The following COL23A1 variants were observed in gnomAD, a reference collection of about 807,000 sequenced individuals.
COL23A1 encodes collagen type XXIII alpha 1 chain.
Under a neutral mutation model 99.3 loss-of-function variants are expected in COL23A1, and 97 were observed. The observed-to-expected ratio is 0.98, with a 90% CI of 0.83 to 1.16. The LOEUF (loss-of-function observed/expected upper bound fraction) is 1.16, where lower values mean the gene tolerates loss of function less well. Ranked by LOEUF, COL23A1 falls within the 50% of genes most tolerant of loss-of-function variation. COL23A1 has a pLI of 0.00. For missense variants in COL23A1, 762 were observed against 757.4 expected (o/e 1.01, Z -0.07); for synonymous variants, 320 against 308.2 (o/e 1.04, Z -0.40).
At chr5:178,550,990 A>T (rs1761967122) in intron 2 of COL23A1, among the ~76,000 whole-genome samples, 1 of 152,068 alleles carries the variant, frequency 6.6e-6, no homozygotes. Flanking sequence ...TCCCCAAACC[A>T]ACAGCAAACC....
At chr5:178,399,059 G>A (rs1331233800) in intron 2 of COL23A1, among the ~76,000 whole-genome samples, 1 of 152,232 alleles carries the variant, frequency 6.6e-6, no homozygotes, top group Admixed American at 6.5e-5. Flanking sequence ...TGGGCTTGTG[G>A]GCTTCAGTTG....
At chr5:178,535,824 G>A (rs1018879088) in intron 2 of COL23A1, among the ~76,000 whole-genome samples, 7 of 152,274 alleles carry the variant, frequency 4.6e-5, no homozygotes, top group Admixed American at 3.9e-4. Context: ...GTGAGAGGGT[G>A]GGCATCCCGC....
At position 178,280,719 on chromosome 5, in the gene COL23A1, G is replaced by A. The variant is rs1294593963; in HGVS notation, c.441+7605C>T. Among the ~76,000 whole-genome samples the A allele has an allele frequency of 2.6e-5, 4 of 152,134 alleles. No individual in the cohort carries two copies. The highest frequency in any genetic ancestry group is 2.0e-4 in the Admixed American group (3 of 15,284). On this transcript the variant is annotated intron_variant, in intron 5 of 28. Coordinates refer to ENST00000390654, the MANE Select transcript of COL23A1 (RefSeq NM_173465.4). The surrounding 1 kb of genome is among the most constrained non-coding windows in gnomAD (Gnocchi z 4.9). ...GTGACCACGCTGCAAACATATCACA[G>A]GCAAAACAGCAAAGCGCAGGACCAA...
intron 2 of COL23A1, among the ~76,000 whole-genome samples, chr5:178,339,547 G>T (rs1172250722): frequency 6.6e-6 from 1 of 152,218 alleles, no homozygotes; most frequent in African/African-American, 2.4e-5. Context: ...GCCTATCCTT[G>T]GCTGTGTGGT....
At chr5:178,576,088 T>A (rs766889377) in intron 1 of COL23A1, among the ~76,000 whole-genome samples, 2 of 152,196 alleles carry the variant, frequency 1.3e-5, no homozygotes, top group East Asian at 3.9e-4. Context: ...GTGTTTCTCC[T>A]TGCGCAGCAA....
chr5:178,257,398 G>C (rs535234950), intron 13 of COL23A1, 125 bp downstream of exon 13: 1 of 1,147,478 alleles, frequency 8.7e-7, no homozygotes, highest in Admixed American at 2.0e-5. Context: ...GCCTCTCTCC[G>C]GCCTGCGCTG....
intron 2 of COL23A1, among the ~76,000 whole-genome samples, chr5:178,328,248 C>T (rs763112036): frequency 3.2e-4 from 49 of 152,208 alleles, no homozygotes; most frequent in Non-Finnish European, 6.2e-4. Context: ...TCCTCATCCC[C>T]CCTGTCCCTG....
rs947703096 is a variant in COL23A1 at position 178,366,128 on chromosome 5, A to T, written c.362-59209T>A. Among the ~76,000 whole-genome samples the T allele has an allele frequency of 6.6e-6, 1 of 152,094 alleles. No homozygotes were observed. Among genetic ancestry groups the T allele is most frequent in the Non-Finnish European group, 1.5e-5 (1 of 67,988 alleles). On this transcript the variant is annotated intron_variant, in intron 2 of 28. Coordinates refer to ENST00000390654, the MANE Select transcript of COL23A1 (RefSeq NM_173465.4). The surrounding 1 kb of genome is among the most constrained non-coding windows in gnomAD (Gnocchi z 4.4). ...CATGGGGACCATCTGTTAAAGCTCC[A>T]TCTACCCTACGAGGAGGCGAGTCCC...
intron 2 of COL23A1, among the ~76,000 whole-genome samples, chr5:178,388,759 C>T (rs1763803233): frequency 6.6e-6 from 1 of 152,204 alleles, no homozygotes; most frequent in African/African-American, 2.4e-5. Context: ...CCGATGCTGT[C>T]ACTCCCTTGC....
intron 2 of COL23A1, among the ~76,000 whole-genome samples, chr5:178,538,027 C>T (rs1486587746): frequency 6.6e-6 from 1 of 152,224 alleles, no homozygotes; most frequent in Non-Finnish European, 1.5e-5. Flanking sequence ...ACGTTTGCAG[C>T]CTGTGCCACA....
At chr5:178,389,922 G>A (rs373344437) in intron 2 of COL23A1, among the ~76,000 whole-genome samples, 6 of 152,186 alleles carry the variant, frequency 3.9e-5, no homozygotes, top group South Asian at 2.1e-4. Context: ...CCAAGACACC[G>A]GTAAGCTCCC....
chr5:178,424,386 C>A (rs889339523), intron 2 of COL23A1, among the ~76,000 whole-genome samples: 1 of 152,222 alleles, frequency 6.6e-6, no homozygotes, highest in East Asian at 1.9e-4. Flanking sequence ...CTGTGCTCTG[C>A]GGGACGCACA....
chr5:178,538,459 C>T (rs1761104141), intron 2 of COL23A1, among the ~76,000 whole-genome samples: 1 of 152,222 alleles, frequency 6.6e-6, no homozygotes, highest in Admixed American at 6.5e-5. Flanking sequence ...CATAAAATTA[C>T]TGTTTAAATT....
chr5:178,565,516 C>A (rs1762797940), intron 1 of COL23A1, among the ~76,000 whole-genome samples: 1 of 152,120 alleles, frequency 6.6e-6, no homozygotes, highest in South Asian at 2.1e-4. Flanking sequence ...CTTTTCCTGA[C>A]CCCTTTAAAC....
At chr5:178,476,594 G>A (rs944536712) in intron 2 of COL23A1, among the ~76,000 whole-genome samples, 1 of 152,248 alleles carries the variant, frequency 6.6e-6, no homozygotes, top group Non-Finnish European at 1.5e-5. Flanking sequence ...GCTGGGGGCA[G>A]GAATCTCGGG....
chr5:178,499,814 T>A (rs185514632), intron 2 of COL23A1, among the ~76,000 whole-genome samples: 5 of 152,350 alleles, frequency 3.3e-5, no homozygotes, highest in Admixed American at 3.3e-4. Context: ...TATCTATCAA[T>A]TAGCAAAAGG....
At chr5:178,318,790 T>C (rs1759119418) in intron 2 of COL23A1, among the ~76,000 whole-genome samples, 1 of 151,762 alleles carries the variant, frequency 6.6e-6, no homozygotes, top group South Asian at 2.1e-4. Context: ...TAACTTCAGC[T>C]ACTCGGGAGG....
In COL23A1 at chr5:178,509,734, G is replaced by A. The variant is rs183511612; in HGVS notation, c.361+50948C>T. On this transcript the variant is annotated intron_variant, in intron 2 of 28. Transcript: ENST00000390654. Reference sequence around the variant, plus strand: ...CACAGCACCATCCCACCACCGCCCCGCCCCAAGTGTGAAGCTTCCTCCGAC... The same window carrying A: ...CACAGCACCATCCCACCACCGCCCCACCCCAAGTGTGAAGCTTCCTCCGAC... Among the ~76,000 whole-genome samples the A allele has an allele frequency of 2.2e-4, 34 of 152,138 alleles. No homozygotes were observed. The East Asian group carries it at 5.6e-3, about 25-fold the overall frequency.
At chr5:178,342,358 T>C (rs1331102857) in intron 2 of COL23A1, among the ~76,000 whole-genome samples, 1 of 152,214 alleles carries the variant, frequency 6.6e-6, no homozygotes, top group East Asian at 1.9e-4. Flanking sequence ...ACTCCCCTCC[T>C]GCATTTATCA....
Sources: gnomAD v4.1 joint callset for allele counts (sites outside exome capture counted in the v4.1 genomes callset) on GRCh38, gnomAD v4.1.1 for gene constraint, Gnocchi (gnomAD v3.1) non-coding constraint, MANE v1.5 for transcripts, NCBI Gene and HGNC (gene_info 2026-07-23, HGNC 2026-07-21) for gene names.